PCLO: variants seen among roughly 807,000 people sequenced by gnomAD.
PCLO encodes the protein piccolo presynaptic cytomatrix protein.
PCLO carries 82 observed loss-of-function variants against 427.5 expected under a neutral mutation model. The observed-to-expected ratio is 0.19, with a 90% CI of 0.16 to 0.23. The LOEUF is 0.23. Ranked by LOEUF, PCLO falls within the 10% of genes least tolerant of loss-of-function variation. PCLO has a pLI of 1.00. For synonymous variants in PCLO, 2,357 were observed against 2,155.4 expected (o/e 1.09, Z -2.59); for missense variants, 6,239 against 6,115.9 (o/e 1.02, Z -0.67).
intron 3 of PCLO, among the ~76,000 whole-genome samples, chr7:83,096,206 T>C (rs1790533386): frequency 6.6e-6 from 1 of 152,090 alleles, no homozygotes; most frequent in South Asian, 2.1e-4. Flanking sequence ...TTGAAACATT[T>C]GCCTAGCATT....
chr7:82,944,287 A>AT (rs1795151725), intron 6 of PCLO, among the ~76,000 whole-genome samples: 1 of 152,036 alleles, frequency 6.6e-6, no homozygotes, highest in Non-Finnish European at 1.5e-5. Flanking sequence ...AAAATTGAAA[A>AT]TTATTTGATG....
At chr7:82,758,960 G>C (rs2129467469) in intron 24 of PCLO, among the ~76,000 whole-genome samples, 1 of 151,950 alleles carries the variant, frequency 6.6e-6, no homozygotes, top group South Asian at 2.1e-4. Flanking sequence ...GACACATTCT[G>C]AAGAATGTGA....
At chr7:82,978,469 A>G (rs565022829) in intron 3 of PCLO, among the ~76,000 whole-genome samples, 1 of 152,232 alleles carries the variant, frequency 6.6e-6, no homozygotes, top group South Asian at 2.1e-4. Context: ...AGTTGTTTAA[A>G]TCCATTCATA....
intron 18 of PCLO, among the ~76,000 whole-genome samples, chr7:82,825,437 A>T (rs1368488444): frequency 6.6e-6 from 1 of 152,058 alleles, no homozygotes; most frequent in African/African-American, 2.4e-5. Context: ...TAAGGGTCAA[A>T]TGCTCCAGTT....
At chr7:82,817,177 T>C (rs988345758) in intron 20 of PCLO, among the ~76,000 whole-genome samples, 3 of 152,196 alleles carry the variant, frequency 2.0e-5, no homozygotes, top group African/African-American at 4.8e-5. Context: ...TCAGATTTTG[T>C]TGGATGTTTG....
chr7:82,845,132 G>A, intron 13 of PCLO, 139 bp downstream of exon 13: 2 of 647,700 alleles, frequency 3.1e-6, no homozygotes, highest in Non-Finnish European at 5.3e-6. Context: ...GAGAAAAAAT[G>A]TTTCTTGTTT....
At chr7:83,023,848 A>T (rs200300981) in intron 3 of PCLO, among the ~76,000 whole-genome samples, 1 of 152,248 alleles carries the variant, frequency 6.6e-6, no homozygotes, top group East Asian at 1.9e-4. Context: ...CAGAGAAGTG[A>T]TGTATGGCAA....
intron 20 of PCLO, among the ~76,000 whole-genome samples, chr7:82,806,073 A>T (rs1230198480): frequency 6.6e-6 from 1 of 152,092 alleles, no homozygotes; most frequent in African/African-American, 2.4e-5. Context: ...AACACATTTA[A>T]TTTTTAGACC....
At chr7:82,851,600 A>T (rs1792657215) in intron 10 of PCLO, among the ~76,000 whole-genome samples, 1 of 152,062 alleles carries the variant, frequency 6.6e-6, no homozygotes, top group Non-Finnish European at 1.5e-5. Context: ...ATGCAGGAGC[A>T]GACCTTGAAA....
At chr7:82,892,900 CA>C (rs1299537331) in intron 9 of PCLO, among the ~76,000 whole-genome samples, 2 of 151,996 alleles carry the variant, frequency 1.3e-5, no homozygotes, top group African/African-American at 4.8e-5. Context: ...GTTAGAATGG[CA>C]ATCATTAAAA....
intron 10 of PCLO, among the ~76,000 whole-genome samples, chr7:82,850,633 CAGTT>C (rs2115841978): frequency 6.6e-6 from 1 of 152,130 alleles, no homozygotes; most frequent in African/African-American, 2.4e-5. Context: ...TAAAATTATT[CAGTT>C]AGTTAAAAAT....
chr7:82,961,188 T>C (rs1795648904), intron 4 of PCLO, among the ~76,000 whole-genome samples: 1 of 152,186 alleles, frequency 6.6e-6, no homozygotes, highest in African/African-American at 2.4e-5. Flanking sequence ...TGCAGAAAAT[T>C]CTGCATCAGG....
chr7:83,052,586 T>C (rs527237040), intron 3 of PCLO, among the ~76,000 whole-genome samples: 28 of 152,162 alleles, frequency 1.8e-4, no homozygotes, highest in African/African-American at 6.7e-4. Context: ...CAAACTCATA[T>C]TTGTAAACGA....
At chr7:83,089,758 G>A (rs532903207) in intron 3 of PCLO, among the ~76,000 whole-genome samples, 1 of 152,240 alleles carries the variant, frequency 6.6e-6, no homozygotes, top group African/African-American at 2.4e-5. Flanking sequence ...AGTGCCCTGA[G>A]ATCACTGAGG....
intron 10 of PCLO, among the ~76,000 whole-genome samples, chr7:82,862,769 A>G (rs1012494545): frequency 5.3e-5 from 8 of 151,950 alleles, no homozygotes; most frequent in Non-Finnish European, 1.0e-4. Context: ...CAAACATCGC[A>G]TGTTCTCGAT....
At chr7:82,993,568 CT>C (rs909621675) in intron 3 of PCLO, among the ~76,000 whole-genome samples, 28 of 150,908 alleles carry the variant, frequency 1.9e-4, no homozygotes, top group African/African-American at 4.1e-4. Flanking sequence ...GCAAATGAGA[CT>C]TTTTTTTTAG....
At chr7:82,999,267 T>G in intron 3 of PCLO, among the ~76,000 whole-genome samples, 1 of 144,294 alleles carries the variant, frequency 6.9e-6, no homozygotes, top group Middle Eastern at 5.3e-3. Flanking sequence ...TAATAAATAT[T>G]ACATATTAAA....
intron 6 of PCLO, among the ~76,000 whole-genome samples, chr7:82,936,334 G>C (rs1351206193): frequency 6.6e-6 from 1 of 151,312 alleles, no homozygotes; most frequent in Non-Finnish European, 1.5e-5. Context: ...CCAACAAAAA[G>C]AAAAACAATC....
At chr7:83,093,492 A>ATATATATATTTTTTT in intron 3 of PCLO, among the ~76,000 whole-genome samples, 1 of 59,322 alleles carries the variant, frequency 1.7e-5, no homozygotes, top group African/African-American at 5.4e-5. Flanking sequence ...ATATATATAT[A>ATATATATATTTTTTT]TTTTTTTTTT....
Sources: allele counts gnomAD v4.1 joint callset (sites outside exome capture counted in the v4.1 genomes callset), GRCh38; gene constraint gnomAD v4.1.1; transcripts MANE v1.5; gene names NCBI Gene and HGNC (gene_info 2026-07-23, HGNC 2026-07-21).